OPCML: variants seen among roughly 807,000 people sequenced by gnomAD.
OPCML encodes opioid binding protein/cell adhesion molecule like.
OPCML carries 13 observed loss-of-function variants against 37.8 expected under a neutral mutation model. The ratio of observed to expected loss-of-function variants is 0.34; its 90% confidence interval spans 0.22 to 0.55. The LOEUF (loss-of-function observed/expected upper bound fraction) is 0.55. Among genes scored for constraint, OPCML ranks in the 20% least tolerant of loss-of-function variants. OPCML has a pLI of 0.91. For synonymous variants in OPCML, 176 were observed against 168.8 expected (o/e 1.04, Z -0.33); for missense variants, 341 against 435.6 (o/e 0.78, Z 1.93).
chr11:132,460,682 A>C (rs1170536613), intron 4 of OPCML, among the ~76,000 whole-genome samples: 1 of 152,228 alleles, frequency 6.6e-6, no homozygotes. Flanking sequence ...GCAAATAATC[A>C]TGCACTTCAA....
chr11:133,286,340 G>C (rs1299970971), intron 1 of OPCML, among the ~76,000 whole-genome samples: 1 of 151,672 alleles, frequency 6.6e-6, no homozygotes, highest in African/African-American at 2.4e-5. Flanking sequence ...CGTGGTGGCG[G>C]GCGCCTATAG....
chr11:133,356,744 T>C (rs1334665907), intron 1 of OPCML, among the ~76,000 whole-genome samples: 1 of 152,240 alleles, frequency 6.6e-6, no homozygotes, highest in African/African-American at 2.4e-5. Context: ...TGGTTACAAA[T>C]TCACGGTGTC....
intron 1 of OPCML, among the ~76,000 whole-genome samples, chr11:133,200,586 G>A (rs76673462): frequency 0.011 from 1,645 of 152,190 alleles, 25 homozygotes; most frequent in African/African-American, 0.038. Flanking sequence ...TATAGATATA[G>A]ATATATACTA....
At chr11:132,535,353 C>G (rs1357163914) in intron 3 of OPCML, among the ~76,000 whole-genome samples, 2 of 152,024 alleles carry the variant, frequency 1.3e-5, no homozygotes, top group Admixed American at 1.3e-4. Context: ...GTGTCTGTTT[C>G]TAGAAGGAAC....
At chr11:132,979,741 T>C (rs559334487) in intron 1 of OPCML, among the ~76,000 whole-genome samples, 5 of 152,338 alleles carry the variant, frequency 3.3e-5, no homozygotes, top group Admixed American at 6.5e-5. Flanking sequence ...CTTGGTGGTC[T>C]TCAGAACGTA....
chr11:133,117,356 T>G (rs1311258495), intron 1 of OPCML, among the ~76,000 whole-genome samples: 1 of 152,228 alleles, frequency 6.6e-6, no homozygotes, highest in Non-Finnish European at 1.5e-5. Context: ...CATTTAGGTG[T>G]TCTCATTGCC....
chr11:132,717,033 G>C (rs1944519446), intron 2 of OPCML, among the ~76,000 whole-genome samples: 1 of 152,018 alleles, frequency 6.6e-6, no homozygotes, highest in Non-Finnish European at 1.5e-5. Flanking sequence ...ATTTAAACAT[G>C]GAGATACTCT....
chr11:132,594,425 A>G (rs949096448), intron 3 of OPCML, among the ~76,000 whole-genome samples: 5 of 152,234 alleles, frequency 3.3e-5, no homozygotes, highest in African/African-American at 4.8e-5. Context: ...ATATAACAAT[A>G]GCTATAACAA....
chr11:133,334,935 G>C (rs1943709911), intron 1 of OPCML, among the ~76,000 whole-genome samples: 1 of 152,158 alleles, frequency 6.6e-6, no homozygotes, highest in East Asian at 1.9e-4. Flanking sequence ...CTTACCTACT[G>C]GTGCGCTCCA....
chr11:133,457,983 A>C (rs147731158), intron 1 of OPCML, among the ~76,000 whole-genome samples: 2,386 of 151,960 alleles, frequency 0.016, 68 homozygotes, highest in African/African-American at 0.055. Context: ...TGTCTCTACT[A>C]AAAGTACAAA....
chr11:133,311,488 T>A (rs550619899), intron 1 of OPCML, among the ~76,000 whole-genome samples: 32 of 152,318 alleles, frequency 2.1e-4, no homozygotes, highest in African/African-American at 7.5e-4. Flanking sequence ...GCTCAGCTGG[T>A]GTTCAAACAG....
chr11:133,393,936 C>T (rs909559079), intron 1 of OPCML, among the ~76,000 whole-genome samples: 6 of 152,230 alleles, frequency 3.9e-5, no homozygotes, highest in Admixed American at 3.9e-4. Context: ...CACTTTACTC[C>T]TATCCAAGTG....
chr11:133,485,074 AC>A (rs1471940023), intron 1 of OPCML, among the ~76,000 whole-genome samples: 2 of 152,168 alleles, frequency 1.3e-5, no homozygotes, highest in Non-Finnish European at 2.9e-5. Flanking sequence ...TTTTAAATAA[AC>A]ACTGTGAGAA....
At chr11:133,226,065 GA>G (rs1371525145) in intron 1 of OPCML, among the ~76,000 whole-genome samples, 1 of 152,358 alleles carries the variant, frequency 6.6e-6, no homozygotes, top group East Asian at 1.9e-4. Context: ...ACAGAGCTGG[GA>G]TTTGAAATTT....
At chr11:133,200,235 G>A (rs542651) in intron 1 of OPCML, among the ~76,000 whole-genome samples, 5 of 151,980 alleles carry the variant, frequency 3.3e-5, no homozygotes, top group South Asian at 2.1e-4. Context: ...GTGTCACACC[G>A]TCCTGTGCAT....
At chr11:133,093,944 C>T (rs748746828) in intron 1 of OPCML, among the ~76,000 whole-genome samples, 3 of 152,044 alleles carry the variant, frequency 2.0e-5, no homozygotes, top group East Asian at 1.9e-4. Flanking sequence ...GTCAAAGTCA[C>T]GAATGTAAGT....
At chr11:132,424,947 G>A (rs948096896) in intron 7 of OPCML, among the ~76,000 whole-genome samples, 1 of 152,182 alleles carries the variant, frequency 6.6e-6, no homozygotes, top group Non-Finnish European at 1.5e-5. Flanking sequence ...GCTTAAGATT[G>A]CAGCTGAGAG....
rs562056846 is a variant in OPCML, at chr11:132,552,763, CTT to C, written c.380-23579_380-23578del. 1.4e-3 allele frequency among the ~76,000 whole-genome samples: 129 copies of C among 92,774 alleles called. 5 individuals are homozygous for C. Among genetic ancestry groups the C allele is most frequent in the African/African-American group, 6.0e-3 (107 of 17,842 alleles). 60.9% of individuals were successfully genotyped at this position (92,774 alleles called of 152,430 possible). On this transcript the variant is annotated intron_variant, in intron 3 of 7. Transcript: ENST00000524381. ...TAGTCAAACTAAATTAAACACTACT[CTT>C]TTTTTTTTTTTTTTGAGACCGAGTG...
chr11:133,389,407 T>G (rs937380331), intron 1 of OPCML, among the ~76,000 whole-genome samples: 1 of 152,220 alleles, frequency 6.6e-6, no homozygotes, highest in African/African-American at 2.4e-5. Context: ...ACTCAGCCAC[T>G]TGCTGATTGG....
Sources: gnomAD v4.1 joint callset for allele counts (sites outside exome capture counted in the v4.1 genomes callset) on GRCh38, gnomAD v4.1.1 for gene constraint, MANE v1.5 for transcripts, NCBI Gene and HGNC (gene_info 2026-07-23, HGNC 2026-07-21) for gene names.